The following CCNE1 variants were observed in gnomAD, a reference collection of about 807,000 sequenced individuals.
The protein encoded by CCNE1 is cyclin E1.
Under a neutral mutation model 54.1 loss-of-function variants are expected in CCNE1, and 8 were observed. The ratio of observed to expected loss-of-function variants is 0.15; its 90% CI spans 0.09 to 0.27. The LOEUF is 0.27. Among genes scored for constraint, CCNE1 ranks in the 10% least tolerant of loss-of-function variants. The pLI, the probability that CCNE1 is intolerant of heterozygous loss-of-function variation, is 1.00. For synonymous variants in CCNE1, 179 were observed against 185.2 expected (o/e 0.97, Z 0.27); for missense variants, 430 against 514.9 (o/e 0.84, Z 1.60).
At chr19:29,813,084 G>C in intron 4 of CCNE1, 47 bp downstream of exon 4, 1 of 1,514,118 alleles carries the variant, frequency 6.6e-7, no homozygotes, top group South Asian at 1.1e-5. Context: ...TTCTCCCCCT[G>C]GGTCACATGG....
At chr19:29,820,573 CTA>C (rs1390674775) in intron 6 of CCNE1, 127 bp from the exon 7 acceptor site, 7 of 655,086 alleles carry the variant, frequency 1.1e-5, no homozygotes, top group Non-Finnish European at 1.8e-5. Flanking sequence ...AAACAAAAAA[CTA>C]TCAATTGTTG....
intron 11 of CCNE1, among the ~76,000 whole-genome samples, chr19:29,823,211 G>A (rs1171251738): frequency 1.3e-5 from 2 of 152,054 alleles, no homozygotes; most frequent in Non-Finnish European, 2.9e-5. Flanking sequence ...AGAAGTTTGA[G>A]ACTAGCCTGG....
At chr19:29,820,379 C>G (rs1974120198) in intron 6 of CCNE1, among the ~76,000 whole-genome samples, 1 of 152,026 alleles carries the variant, frequency 6.6e-6, no homozygotes, top group Admixed American at 6.6e-5. Context: ...GGTGAAATAC[C>G]ATTTCTACTA....
chr19:29,813,841 G>C (rs563472329), intron 4 of CCNE1, among the ~76,000 whole-genome samples: 1 of 152,268 alleles, frequency 6.6e-6, no homozygotes, highest in Non-Finnish European at 1.5e-5. Flanking sequence ...TGGCTCCAGT[G>C]GGGGAAGCAG....
At position 29,823,567 on chromosome 19, in the gene CCNE1, A is replaced by T. The variant is rs1043593529; in HGVS notation, c.1111-88A>T. 962 of 1,256,240 alleles carry T rather than the reference A, an allele frequency of 7.7e-4. 1 individual carries two copies. The highest frequency in any genetic ancestry group is 9.0e-4 in the Non-Finnish European group (844 of 938,154). 77.8% of individuals were successfully genotyped at this position (1,256,240 alleles called of 1,614,324 possible). On this transcript the variant is annotated intron_variant, in intron 11 of 11. Coordinates refer to ENST00000262643, the MANE Select transcript of CCNE1 (RefSeq NM_001238.4). ...CCATCTTGAGAAAAAAAAAAAATTT[A>T]AAAATTAAAAAAGAAAAAGCCTATG... is the stretch of plus-strand genomic sequence containing the variant.
chr19:29,812,249 C>G, intron 1 of CCNE1, 97 bp downstream of exon 1: 1 of 162,158 alleles, frequency 6.2e-6, no homozygotes, highest in Non-Finnish European at 1.3e-5. Flanking sequence ...TCGCGGGTCC[C>G]CGGGCGGCGT....
At position 29,817,267 on chromosome 19, in the gene CCNE1, C is replaced by T. The variant is rs1490189851; in HGVS notation, c.311C>T (p.Pro104Leu). 4.3e-6 allele frequency: 7 copies of T among 1,614,202 alleles called. No individual in the cohort carries two copies. Among genetic ancestry groups the T allele is most frequent in the Non-Finnish European group, 5.9e-6 (7 of 1,180,046 alleles). The change falls in exon 5 of 12, where the codon CCG (proline) becomes CTG (leucine). Residue 104 changes from proline (P) to leucine (L), a missense_variant. This residue lies in a region of CCNE1 where 303 missense variants were observed against 401.1 expected (regional missense o/e 0.76). Transcript: ENST00000262643. ...ATTATTGCACCATCCAGAGGCTCCC[C>T]GCTGCCTGTACTGAGGTCAGTGCCG... is the stretch of plus-strand genomic sequence containing the variant. ...PRIIAPSRGS[P>L]LPVLSWANRE... is the part of the protein sequence containing the mutation.
intron 11 of CCNE1, among the ~76,000 whole-genome samples, chr19:29,823,431 C>G (rs1568372174): frequency 6.6e-6 from 1 of 152,074 alleles, no homozygotes. Context: ...ATAATCTCAG[C>G]TACTCTACTT....
chr19:29,819,927 CACAGA>C (rs1470558609), intron 6 of CCNE1, among the ~76,000 whole-genome samples: 1 of 152,230 alleles, frequency 6.6e-6, no homozygotes, highest in African/African-American at 2.4e-5. Context: ...TGCCTGAAGC[CACAGA>C]TAGTACTGAG....
Position 29,822,435 on chromosome 19 carries a change from C to T in CCNE1, c.953-11C>T, listed in dbSNP as rs1468255075. The T allele has an allele frequency of 6.2e-7, 1 of 1,613,758 alleles. No homozygotes were observed. Among genetic ancestry groups the T allele is most frequent in the East Asian group, 2.2e-5 (1 of 44,900 alleles). ...CAGCCTCAGATTAAGCCCACGATGTCTTCACTGCAGGGTATCAGTGGTGCG... is the reference window on the plus strand; with the variant it reads ...CAGCCTCAGATTAAGCCCACGATGTTTTCACTGCAGGGTATCAGTGGTGCG... On this transcript the variant is annotated splice_polypyrimidine_tract_variant and intron_variant, in intron 10 of 11. Transcript: ENST00000262643.
At chr19:29,813,197 C>T in intron 4 of CCNE1, 160 bp downstream of exon 4, 2 of 635,116 alleles carry the variant, frequency 3.1e-6, no homozygotes, top group Middle Eastern at 4.3e-4. Context: ...TGTCAGTGGG[C>T]ACTGGCCTCT....
chr19:29,818,524 T>C (rs1974079325), intron 6 of CCNE1, among the ~76,000 whole-genome samples: 1 of 152,212 alleles, frequency 6.6e-6, no homozygotes, highest in Non-Finnish European at 1.5e-5. Flanking sequence ...CTGTCATAAA[T>C]TGTAAACATA....
rs567015742 is a variant in CCNE1 at position 29,813,113 on chromosome 19, C to T, written c.180+76C>T. 7 of 1,352,340 alleles carry T rather than the reference C, an allele frequency of 5.2e-6. No homozygotes were observed. The African/African-American group carries it at 7.1e-5, about 14-fold the overall frequency. The allele number at this position is 1,352,340 out of a possible 1,614,324, so 83.8% of individuals were successfully genotyped here. A position where few individuals can be genotyped will look rare whatever the true frequency, so the allele number is the denominator to read the frequency against. Reference sequence around the variant, plus strand: ...CACATGGGGTTTCATGCTGTCTTGTCTCTTGCTGGAGACACTCTGGTGAGA... The same window carrying T: ...CACATGGGGTTTCATGCTGTCTTGTTTCTTGCTGGAGACACTCTGGTGAGA... On this transcript the variant is annotated intron_variant, in intron 4 of 11. Transcript: ENST00000262643.
At chr19:29,813,274 C>A in intron 4 of CCNE1, 4 of 555,522 alleles carry the variant, frequency 7.2e-6, no homozygotes, top group Non-Finnish European at 1.3e-5. Flanking sequence ...CAGATATGTG[C>A]CTAGCCTGGA....
At chr19:29,815,644 G>GTT (rs1973997034) in intron 4 of CCNE1, among the ~76,000 whole-genome samples, 1 of 137,116 alleles carries the variant, frequency 7.3e-6, no homozygotes, top group Non-Finnish European at 1.6e-5. Context: ...TTTTTTTGGG[G>GTT]GGGGGACAGA....
At chr19:29,814,005 C>T (rs147554199) in intron 4 of CCNE1, among the ~76,000 whole-genome samples, 7 of 152,272 alleles carry the variant, frequency 4.6e-5, no homozygotes, top group South Asian at 4.1e-4. Flanking sequence ...CATCTGGAAG[C>T]GTGAAGGGTT....
chr19:29,821,942 A>G lies in CCNE1; in HGVS notation c.706-54A>G, dbSNP rs1974157630. The G allele has an allele frequency of 2.5e-6, 4 of 1,583,386 alleles. No homozygotes were observed. The South Asian group carries it at 4.5e-5, about 18-fold the overall frequency. On this transcript the variant is annotated intron_variant, in intron 8 of 11. Coordinates refer to ENST00000262643, the MANE Select transcript of CCNE1 (RefSeq NM_001238.4). ...ACATTGTGGCATGGAACATGGCTGCATTTTGAACTTCTTTTCTCAATCATC... is the reference window on the plus strand; with the variant it reads ...ACATTGTGGCATGGAACATGGCTGCGTTTTGAACTTCTTTTCTCAATCATC...
At chr19:29,818,171 C>T (rs1028760363) in intron 6 of CCNE1, among the ~76,000 whole-genome samples, 21 of 152,016 alleles carry the variant, frequency 1.4e-4, no homozygotes, top group Non-Finnish European at 2.4e-4. Flanking sequence ...GGACTACAGG[C>T]GCCCGCCACC....
chr19:29,812,893 C>G (rs1973928019), intron 3 of CCNE1, 76 bp from the exon 4 acceptor site: 3 of 1,598,112 alleles, frequency 1.9e-6, no homozygotes, highest in African/African-American at 1.3e-5. Context: ...ATAACCTGAT[C>G]AGCTTTCTCT....
Sources: gnomAD v4.1 joint callset for allele counts (sites outside exome capture counted in the v4.1 genomes callset) on GRCh38, gnomAD v4.1.1 for gene constraint, gnomAD v4.1.1 regional missense constraint, MANE v1.5 for transcripts, NCBI Gene and HGNC (gene_info 2026-07-23, HGNC 2026-07-21) for gene names.